ACOT1: variants seen among roughly 807,000 people sequenced by gnomAD.
ACOT1 encodes acyl-CoA thioesterase 1, also known as acyl-coenzyme A thioesterase 1.
In ACOT1, 8 loss-of-function variants were observed where a neutral mutation model predicts 15.7. The ratio of observed to expected loss-of-function variants is 0.51; its 90% confidence interval spans 0.30 to 0.92. The LOEUF is 0.92. Among genes scored for constraint, ACOT1 ranks in the 40% least tolerant of loss-of-function variants. The pLI is 0.06. For synonymous variants in ACOT1, 67 were observed against 241.2 expected, an observed-to-expected ratio of 0.28 and a Z score of 6.69; for missense variants, 151 against 539.4, an observed-to-expected ratio of 0.28 and a Z score of 7.13.
At chr14:73,498,079 G>A in the ACOT1 span, 2 of 1,371,792 alleles carry the variant, frequency 1.5e-6, no homozygotes, top group African/African-American at 2.9e-5. Flanking sequence ...TGGAAAGGCA[G>A]GGACATATTC....
chr14:73,491,869 C>G, the ACOT1 span: 1 of 1,610,960 alleles, frequency 6.2e-7, no homozygotes, highest in South Asian at 1.1e-5. Context: ...CGCTGCCCGC[C>G]GCCGCGTGGT....
the ACOT1 span, among the ~76,000 whole-genome samples, chr14:73,516,822 G>GC: frequency 6.6e-6 from 1 of 152,222 alleles, no homozygotes; most frequent in Non-Finnish European, 1.5e-5. Flanking sequence ...GGTCTAGGCT[G>GC]CGCACCCTTT....
chr14:73,492,161 C>T, the ACOT1 span: 1 of 1,613,976 alleles, frequency 6.2e-7, no homozygotes, highest in Non-Finnish European at 8.5e-7. The surrounding 1 kb of genome is among the most constrained non-coding windows in gnomAD (Gnocchi z 4.9). Context: ...TCAGGACGAC[C>T]TCGGTGAGCC....
the ACOT1 span, chr14:73,523,270 A>G: frequency 9.8e-7 from 1 of 1,015,558 alleles, no homozygotes; most frequent in African/African-American, 1.6e-5. Context: ...AGAGCAGCAG[A>G]AATTGGTAGC....
chr14:73,541,576 A>C lies in ACOT1; in HGVS notation c.541A>C (p.Lys181Gln). ...GTATCGGGCTAGTCTGCTGGCTGGGAAGGGTTTTGCTGTGATGGCTCTGGC... is the reference window on the plus strand; with the variant it reads ...GTATCGGGCTAGTCTGCTGGCTGGGCAGGGTTTTGCTGTGATGGCTCTGGC... ...LEYRASLLAG[K>Q]GFAVMALAYY... The change falls in exon 2 of 3, where the codon AAG becomes CAG. Residue 181 changes from lysine (K) to glutamine (Q), a missense_variant. Physicochemically the swap from Lys to Gln is moderately conservative, Grantham distance 53. Coordinates refer to ENST00000311148, the MANE Select transcript of ACOT1 (RefSeq NM_001037161.2). The C allele has an allele frequency of 8.0e-7, 1 of 1,243,562 alleles. No homozygotes were observed. The highest frequency in any genetic ancestry group is 1.1e-6 in the Non-Finnish European group (1 of 936,088). The allele number at this position is 1,243,562 out of a possible 1,614,324, so 77.0% of individuals were successfully genotyped here.
chr14:73,491,436 T>C, the ACOT1 span: 2 of 1,358,484 alleles, frequency 1.5e-6, no homozygotes, highest in African/African-American at 1.5e-5. Context: ...GCCGCGCCGG[T>C]CCGGGTGGTG....
Position 73,538,506 on chromosome 14 carries a change from G to C in ACOT1, c.457+628G>C, listed in dbSNP as rs1357964604. On this transcript the variant is annotated intron_variant, in intron 1 of 2. Coordinates refer to ENST00000311148, the MANE Select transcript of ACOT1 (RefSeq NM_001037161.2). ...CGGGCGCCTGTCGTCCCAGCTACTC[G>C]GGACGCTGAGGCAGAAGAATGGCAT... 1.8e-5 allele frequency among the ~76,000 whole-genome samples: 2 copies of C among 110,426 alleles called. 1 individual carries two copies. The highest frequency in any genetic ancestry group is 3.9e-5 in the Non-Finnish European group (2 of 51,366). 72.4% of individuals were successfully genotyped at this position (110,426 alleles called of 152,430 possible). A position where few individuals can be genotyped will look rare whatever the true frequency, so the allele number is the denominator to read the frequency against.
the ACOT1 span, chr14:73,495,532 G>A: frequency 3.1e-6 from 2 of 655,598 alleles, no homozygotes; most frequent in African/African-American, 3.7e-5. Flanking sequence ...ACAGTGAGCT[G>A]TGATCATGCC....
chr14:73,508,524 G>A, the ACOT1 span, among the ~76,000 whole-genome samples: 3 of 152,170 alleles, frequency 2.0e-5, no homozygotes, highest in Non-Finnish European at 2.9e-5. Flanking sequence ...CAAGGTGGGC[G>A]GATCACCTAA....
the ACOT1 span, among the ~76,000 whole-genome samples, chr14:73,527,620 C>T: frequency 6.6e-6 from 1 of 151,758 alleles, no homozygotes; most frequent in Non-Finnish European, 1.5e-5. Flanking sequence ...ATTGGAGTCT[C>T]TCAACAGCAG....
At chr14:73,526,463 G>A in the ACOT1 span, among the ~76,000 whole-genome samples, 1 of 152,202 alleles carries the variant, frequency 6.6e-6, no homozygotes, top group African/African-American at 2.4e-5. Context: ...CAACTGTGGT[G>A]AACAAGGGAG....
At chr14:73,537,074 C>T, upstream of ACOT1, 1 of 200,250 alleles carries the variant, frequency 5.0e-6, no homozygotes, top group South Asian at 8.3e-5. Flanking sequence ...AGCTCCACCC[C>T]CCGGGATCAC....
the ACOT1 span, chr14:73,491,355 G>A: frequency 7.0e-7 from 1 of 1,428,404 alleles, no homozygotes; most frequent in Non-Finnish European, 9.1e-7. Flanking sequence ...CCCGCCGCGC[G>A]CTCCCTGCAG....
the ACOT1 span, chr14:73,500,877 G>C: frequency 9.0e-6 from 6 of 668,530 alleles, 1 homozygote; most frequent in Non-Finnish European, 1.5e-5. Context: ...GTTTTACTGG[G>C]TACAGAGCTC....
chr14:73,491,568 C>G, the ACOT1 span: 1 of 1,541,242 alleles, frequency 6.5e-7, no homozygotes, highest in Non-Finnish European at 8.7e-7. Flanking sequence ...TGGGACTCCC[C>G]GCTGCGGCGC....
the ACOT1 span, chr14:73,495,455 A>T: frequency 7.7e-7 from 1 of 1,302,530 alleles, no homozygotes; most frequent in Non-Finnish European, 1.1e-6. Context: ...AATTATCAAA[A>T]AACATTAATA....
At chr14:73,492,500 G>C in the ACOT1 span, 2 of 1,613,716 alleles carry the variant, frequency 1.2e-6, no homozygotes, top group Non-Finnish European at 1.7e-6. The surrounding 1 kb of genome is among the most constrained non-coding windows in gnomAD (Gnocchi z 4.9). Context: ...TGCTCCTGTT[G>C]ATGCTGTGGC....
chr14:73,524,205 T>C, the ACOT1 span, among the ~76,000 whole-genome samples: 17 of 149,258 alleles, frequency 1.1e-4, no homozygotes, highest in Non-Finnish European at 1.5e-4. Flanking sequence ...GGCAGGAGAA[T>C]TGCTTGAACC....
chr14:73,519,113 G>A, the ACOT1 span: 3 of 1,613,804 alleles, frequency 1.9e-6, no homozygotes, highest in South Asian at 3.3e-5. Context: ...AGGTTTTCCA[G>A]GACAATCTGG....
Sources: allele counts gnomAD v4.1 joint callset (sites outside exome capture counted in the v4.1 genomes callset), GRCh38; gene constraint gnomAD v4.1.1; non-coding constraint Gnocchi (gnomAD v3.1); transcripts MANE v1.5; gene names NCBI Gene and HGNC (gene_info 2026-07-23, HGNC 2026-07-21).